Variants in CDC16 observed in about 807,000 individuals in gnomAD.
CDC16 encodes the protein cell division cycle 16.
A neutral mutation model predicts 87.0 loss-of-function variants in CDC16; 34 were observed. The ratio of observed to expected loss-of-function variants is 0.39; its 90% CI spans 0.30 to 0.52. CDC16 has a LOEUF of 0.52. Ranked by LOEUF, CDC16 falls within the 20% of genes least tolerant of loss-of-function variation. The probability of loss-of-function intolerance (pLI) is 0.74; values close to 1 mark genes in which losing one functional copy is unlikely to be tolerated. For synonymous variants in CDC16, 263 were observed against 260.6 expected, an observed-to-expected ratio of 1.01 and a Z score of -0.09; for missense variants, 653 against 751.9, an observed-to-expected ratio of 0.87 and a Z score of 1.54.
Position 114,259,384 on chromosome 13 carries a change from G to T in CDC16, c.1300G>T (p.Ala434Ser). The part of the protein sequence containing the change: ...WFLDALEKIK[A>S]IGNEVTVDKW... ...TCTTGATGCTTTGGAAAAAATTAAA[G>T]CAATTGGGAACGAGGTATTCTTTGT... is the stretch of plus-strand genomic sequence containing the variant. The change falls in exon 14 of 18, where the codon GCA becomes TCA. Residue 434 changes from alanine to serine, a missense_variant. Transcript: ENST00000356221. 6.4e-7 allele frequency: 1 copy of T among 1,568,646 alleles called. No individual in the cohort carries two copies. The highest frequency in any genetic ancestry group is 8.6e-7 in the Non-Finnish European group (1 of 1,165,640).
chr13:114,242,460 G>T (rs930184033), intron 6 of CDC16, 180 bp downstream of exon 6: 4 of 579,686 alleles, frequency 6.9e-6, no homozygotes, highest in Admixed American at 6.6e-5. Context: ...ACGGTGCCTT[G>T]TGCTGTCCGA....
intron 16 of CDC16, 197 bp from the exon 17 acceptor site, chr13:114,264,953 A>C: frequency 2.0e-6 from 1 of 500,014 alleles, no homozygotes; most frequent in Non-Finnish European, 3.7e-6. Context: ...GATTTCCAGC[A>C]TAAGAAAATA....
chr13:114,236,009 CA>C (rs1296706365), intron 1 of CDC16, among the ~76,000 whole-genome samples: 12 of 152,126 alleles, frequency 7.9e-5, no homozygotes, highest in Admixed American at 5.2e-4. Context: ...GGCTTGTCTC[CA>C]GGGGAACTGA....
chr13:114,239,562 ATCT>A (rs2081440670), intron 5 of CDC16, 72 bp downstream of exon 5: 2 of 1,397,530 alleles, frequency 1.4e-6, no homozygotes, highest in Non-Finnish European at 1.9e-6. Context: ...GAAACACATT[ATCT>A]TCTTTTACTT....
At chr13:114,246,075 G>GTT (rs201167565) in intron 10 of CDC16, 26 bp downstream of exon 10, 2,331 of 871,032 alleles carry the variant, frequency 2.7e-3, no homozygotes, top group Admixed American at 6.2e-3. Flanking sequence ...TTTAGTCTTA[G>GTT]TTTTTTTTTT....
At chr13:114,267,899 C>CA (rs2083342953) in intron 17 of CDC16, among the ~76,000 whole-genome samples, 1 of 152,182 alleles carries the variant, frequency 6.6e-6, no homozygotes, top group African/African-American at 2.4e-5. Context: ...TAGGTAACAC[C>CA]AGAGTGTGGC....
intron 12 of CDC16, among the ~76,000 whole-genome samples, chr13:114,251,995 T>TAACCCTGTTGGATAAGAGCCCC (rs2082210045): frequency 6.7e-6 from 1 of 149,844 alleles, no homozygotes; most frequent in African/African-American, 2.5e-5. Context: ...ATAAGAGCCC[T>TAACCCTGTTGGATAAGAGCCCC]ACACTAACCC....
At chr13:114,255,257 A>G (rs1015724827) in intron 12 of CDC16, among the ~76,000 whole-genome samples, 1 of 152,194 alleles carries the variant, frequency 6.6e-6, no homozygotes, top group Non-Finnish European at 1.5e-5. Context: ...AAGAAGGTGT[A>G]TATACTTATA....
chr13:114,251,688 G>A (rs2183053), intron 12 of CDC16, among the ~76,000 whole-genome samples: 2 of 152,208 alleles, frequency 1.3e-5, no homozygotes, highest in Non-Finnish European at 2.9e-5. Flanking sequence ...CACAGACTGG[G>A]TGACTTAAAG....
At chr13:114,250,483 CTT>C in intron 11 of CDC16, 64 bp from the exon 12 acceptor site, 1 of 1,442,730 alleles carries the variant, frequency 6.9e-7, no homozygotes. Context: ...CAAAGTGAGA[CTT>C]TGTCTCAAAA....
chr13:114,258,904 C>G (rs1477912896), intron 13 of CDC16, among the ~76,000 whole-genome samples: 1 of 152,020 alleles, frequency 6.6e-6, no homozygotes, highest in African/African-American at 2.4e-5. Flanking sequence ...TTGAGACCAG[C>G]ATGTGCAACA....
chr13:114,235,717 C>A (rs1396724911), intron 1 of CDC16, among the ~76,000 whole-genome samples: 2 of 152,108 alleles, frequency 1.3e-5, no homozygotes, highest in African/African-American at 4.8e-5. Context: ...CTTGCTCTTT[C>A]AGGAAATTGG....
chr13:114,248,723 C>T (rs937283826), intron 11 of CDC16, among the ~76,000 whole-genome samples: 1 of 152,136 alleles, frequency 6.6e-6, no homozygotes, highest in Non-Finnish European at 1.5e-5. Flanking sequence ...ATGTCATACT[C>T]ATATAGCAGG....
Position 114,234,927 on chromosome 13 carries a change from T to G in CDC16, c.-158T>G, listed in dbSNP as rs1594534596. The stretch of plus-strand genomic sequence containing the variant: ...ACGGGGCCTGGGTGGGGGGTGCGGG[T>G]GTGGGTGGGGACCTGCGGCCTTCGA... On this transcript the variant is annotated 5_prime_UTR_variant, in exon 1 of 18. Coordinates refer to ENST00000356221, the MANE Select transcript of CDC16 (RefSeq NM_001078645.3). The G allele has an allele frequency of 1.3e-5, 5 of 391,612 alleles. No homozygotes were observed. The highest frequency in any genetic ancestry group is 7.4e-5 in the African/African-American group (3 of 40,554). 24.3% of individuals were successfully genotyped at this position (391,612 alleles called of 1,614,324 possible). A position where few individuals can be genotyped will look rare whatever the true frequency, so the allele number is the denominator to read the frequency against.
chr13:114,262,738 A>G (rs1296587979), intron 15 of CDC16, 141 bp from the exon 16 acceptor site: 5 of 765,524 alleles, frequency 6.5e-6, no homozygotes, highest in African/African-American at 5.2e-5. Flanking sequence ...GCATGAGAGT[A>G]GGTGTGGAGA....
chr13:114,272,341 GA>G lies in CDC16; in HGVS notation c.1765del (p.Thr589LeufsTer16). 1.2e-6 allele frequency: 2 copies of G among 1,614,202 alleles called. No individual in the cohort carries two copies. Among genetic ancestry groups the G allele is most frequent in the Non-Finnish European group, 1.7e-6 (2 of 1,179,994 alleles). ...TGLTPLETSR[K>X]TPDSRPSLEE... is the part of the protein sequence containing the mutation. ...GGCTTACGCCATTGGAAACCTCAAG[GA>G]AAACTCCAGATTCCAGACCTTCCTT... On this transcript the variant is annotated frameshift_variant, in exon 18 of 18. Transcript: ENST00000356221. LOFTEE classifies it high-confidence loss of function.
chr13:114,264,855 G>A (rs1357632330), intron 16 of CDC16: 4 of 266,166 alleles, frequency 1.5e-5, no homozygotes, highest in South Asian at 4.5e-5. Flanking sequence ...TGATCCACCC[G>A]TCTAGGCCTC....
At chr13:114,248,916 C>A (rs1306950316) in intron 11 of CDC16, among the ~76,000 whole-genome samples, 5 of 151,934 alleles carry the variant, frequency 3.3e-5, no homozygotes, top group African/African-American at 4.8e-5. Flanking sequence ...GGACTCTTAT[C>A]AGTGGTCCCC....
intron 5 of CDC16, among the ~76,000 whole-genome samples, chr13:114,241,778 T>C (rs1481077108): frequency 6.6e-6 from 1 of 152,226 alleles, no homozygotes. Context: ...GGGCCAGGCA[T>C]GGTTGCTCAT....
Sources: gnomAD v4.1 joint callset for allele counts (sites outside exome capture counted in the v4.1 genomes callset) on GRCh38, gnomAD v4.1.1 for gene constraint, MANE v1.5 for transcripts, NCBI Gene and HGNC (gene_info 2026-07-23, HGNC 2026-07-21) for gene names.